The following KCNQ2 variants were observed in gnomAD, a reference collection of about 807,000 sequenced individuals.
The protein encoded by KCNQ2 is potassium voltage-gated channel subfamily KQT member 2.
A neutral mutation model predicts 84.8 loss-of-function variants in KCNQ2; 14 were observed. That is an observed-to-expected ratio of 0.17 (90% CI 0.11 to 0.26). The LOEUF is 0.26. Ranked by LOEUF, KCNQ2 falls within the 10% of genes least tolerant of loss-of-function variation. The pLI, the probability that KCNQ2 is intolerant of heterozygous loss-of-function variation, is 1.00. For missense variants in KCNQ2, 788 were observed against 1,254.0 expected (o/e 0.63, Z 5.61); for synonymous variants, 599 against 554.1 (o/e 1.08, Z -1.14).
chr20:63,426,415 T>G (rs1002724208), intron 10 of KCNQ2, among the ~76,000 whole-genome samples: 3 of 152,010 alleles, frequency 2.0e-5, no homozygotes, highest in Non-Finnish European at 4.4e-5. Context: ...AATCTCCTAA[T>G]TTAAGACCCT....
Position 63,438,339 on chromosome 20 carries a change from C to T in KCNQ2, c.1023+286G>A. ...GCTGCAGAACGGGTGTGCTCACCTCCCAGGGTGCGGTAGAGAGGACCTGAT... is the reference window on the plus strand; with the variant it reads ...GCTGCAGAACGGGTGTGCTCACCTCTCAGGGTGCGGTAGAGAGGACCTGAT... On this transcript the variant is annotated intron_variant, in intron 7 of 16. Transcript: ENST00000359125. The surrounding 1 kb of genome is among the most constrained non-coding windows in gnomAD (Gnocchi z 5.1). 1.9e-6 allele frequency: 1 copy of T among 537,508 alleles called. No individual in the cohort carries two copies. 33.3% of individuals were successfully genotyped at this position (537,508 alleles called of 1,614,324 possible).
At chr20:63,457,627 G>C (rs1466764952) in intron 1 of KCNQ2, among the ~76,000 whole-genome samples, 4 of 152,230 alleles carry the variant, frequency 2.6e-5, no homozygotes, top group African/African-American at 9.6e-5. Context: ...TGGCTCCCTC[G>C]GGAACAGGAG....
chr20:63,428,460 G>C, intron 9 of KCNQ2, 25 bp from the exon 10 acceptor site: 9 of 1,567,754 alleles, frequency 5.7e-6, no homozygotes, highest in Non-Finnish European at 7.8e-6. Context: ...GGAGAGGGGA[G>C]TGAGCGTCTC....
At position 63,446,336 on chromosome 20, in the gene KCNQ2, G is replaced by A; in HGVS notation, c.387+411C>T. ...CAGGAACTGCACTCCCGTTGCCATG[G>A]CGCCCACCCTGCCCTGGCACAGGGT... On this transcript the variant is annotated intron_variant, in intron 2 of 16. Transcript: ENST00000359125. The surrounding 1 kb of genome is among the most constrained non-coding windows in gnomAD (Gnocchi z 5.5). 3.5e-6 allele frequency: 1 copy of A among 285,234 alleles called. No homozygotes were observed. The highest frequency in any genetic ancestry group is 6.8e-6 in the Non-Finnish European group (1 of 146,908). The allele number at this position is 285,234 out of a possible 1,614,324, so 17.7% of individuals were successfully genotyped here. A position where few individuals can be genotyped will look rare whatever the true frequency, so the allele number is the denominator to read the frequency against.
intron 4 of KCNQ2, among the ~76,000 whole-genome samples, chr20:63,443,289 T>C (rs1292066947): frequency 6.4e-4 from 11 of 17,124 alleles, no homozygotes; most frequent in East Asian, 1.2e-3. Flanking sequence ...ACCATCACCA[T>C]CATCACCACC....
At position 63,400,541 on chromosome 20, in the gene KCNQ2, G is replaced by A. The variant is rs1055078204; in HGVS notation, c.*6103C>T. On this transcript the variant is annotated 3_prime_UTR_variant, in exon 17 of 17. Coordinates refer to ENST00000359125, the MANE Select transcript of KCNQ2 (RefSeq NM_172107.4). This position sits in a 1 kb window ranked among gnomAD's most constrained non-coding sequence, Gnocchi z 8.7. ...AAAGGCCTGGTCACTACGGCACAAG[G>A]ACACATACAAAATGGTCAGAAGTGT... 1 of 398,096 alleles carries A rather than the reference G, an allele frequency of 2.5e-6. No homozygotes were observed. The highest frequency in any genetic ancestry group is 2.1e-5 in the African/African-American group (1 of 48,630). The allele number at this position is 398,096 out of a possible 1,614,324, so 24.7% of individuals were successfully genotyped here.
At chr20:63,419,862 A>G (rs1340445141) in intron 11 of KCNQ2, among the ~76,000 whole-genome samples, 190 bp from the exon 12 acceptor site, 4 of 151,360 alleles carry the variant, frequency 2.6e-5, no homozygotes, top group Non-Finnish European at 5.9e-5. Context: ...ACACTTCCCT[A>G]TTTCTGAAGG....
chr20:63,430,845 G>A (rs956295359), intron 9 of KCNQ2, among the ~76,000 whole-genome samples: 2 of 152,224 alleles, frequency 1.3e-5, no homozygotes, highest in African/African-American at 4.8e-5. Context: ...TGTGAGCCAC[G>A]GTGGGACAAG....
At chr20:63,458,908 A>T (rs1156335786) in intron 1 of KCNQ2, 2 of 152,230 alleles carry the variant, frequency 1.3e-5, no homozygotes, top group Non-Finnish European at 2.9e-5. Flanking sequence ...GGCTGAGATG[A>T]GGAGGGCACG....
At chr20:63,442,612 CATCAACACCATGACCACCAT>C (rs2081197796) in intron 4 of KCNQ2, 81 bp from the exon 5 acceptor site, 3 of 1,466,316 alleles carry the variant, frequency 2.0e-6, no homozygotes, top group African/African-American at 2.9e-5. Flanking sequence ...ACCACCATCA[CATCAACACCATGACCACCAT>C]CACCACCACC....
chr20:63,453,333 T>C (rs1352722166), intron 1 of KCNQ2, among the ~76,000 whole-genome samples: 4 of 152,322 alleles, frequency 2.6e-5, no homozygotes, highest in African/African-American at 4.8e-5. Context: ...GCAGGGGCGC[T>C]GGCAGTGGTG....
At chr20:63,448,845 CT>C (rs1372157600) in intron 1 of KCNQ2, among the ~76,000 whole-genome samples, 1 of 152,118 alleles carries the variant, frequency 6.6e-6, no homozygotes, top group African/African-American at 2.4e-5. Context: ...GGGGGGGAGT[CT>C]CTCCAGACTG....
In KCNQ2 at chr20:63,400,785, CA is replaced by C; in HGVS notation, c.*5858del. Reference sequence around the variant, plus strand: ...GCGGGACCACCAGCTCTGGGCGCCTCAGTGCGAGACCCCTCCGTGAGACCCC... The same window carrying C: ...GCGGGACCACCAGCTCTGGGCGCCTCGTGCGAGACCCCTCCGTGAGACCCC... On this transcript the variant is annotated 3_prime_UTR_variant, in exon 17 of 17. Coordinates refer to ENST00000359125, the MANE Select transcript of KCNQ2 (RefSeq NM_172107.4). This position sits in a 1 kb window ranked among gnomAD's most constrained non-coding sequence, Gnocchi z 8.7. The C allele has an allele frequency of 2.5e-6, 1 of 398,484 alleles. No individual in the cohort carries two copies. The highest frequency in any genetic ancestry group is 4.4e-6 in the Non-Finnish European group (1 of 225,954). 24.7% of individuals were successfully genotyped at this position (398,484 alleles called of 1,614,324 possible).
In KCNQ2 at chr20:63,406,968, G is replaced by A. The variant is rs868616547; in HGVS notation, c.2295C>T (p.Phe765=). Residue 765 remains phenylalanine, a synonymous_variant, in exon 17 of 17, where the codon TTC becomes TTT. Coordinates refer to ENST00000359125, the MANE Select transcript of KCNQ2 (RefSeq NM_172107.4). ...AGCCCGGGGTGTCCTCCTGCCGCAG[G>A]AACTCCATGCTGGCGCGGTTGCCCC... ...YGGGNRASME[F]LRQEDTPGCR... 8 of 1,555,424 alleles carry A rather than the reference G, an allele frequency of 5.1e-6. No homozygotes were observed. Among genetic ancestry groups the A allele is most frequent in the Admixed American group, 1.9e-5 (1 of 53,376 alleles).
At chr20:63,413,758 G>A (rs1408679330) in intron 14 of KCNQ2, among the ~76,000 whole-genome samples, 177 bp from the exon 15 acceptor site, 2 of 139,926 alleles carry the variant, frequency 1.4e-5, no homozygotes, top group African/African-American at 2.4e-5. Flanking sequence ...TGCTCTGCCC[G>A]GGACAGGTGG....
At chr20:63,464,744 C>CT (rs1269856498) in intron 1 of KCNQ2, among the ~76,000 whole-genome samples, 1 of 152,224 alleles carries the variant, frequency 6.6e-6, no homozygotes, top group Non-Finnish European at 1.5e-5. Context: ...GGCAGGGGCC[C>CT]TGCTGACTTA....
chr20:63,452,547 G>A (rs1480715178), intron 1 of KCNQ2, among the ~76,000 whole-genome samples: 5 of 152,252 alleles, frequency 3.3e-5, no homozygotes, highest in African/African-American at 1.2e-4. Flanking sequence ...CACCAGCCGG[G>A]CACCATGGCG....
chr20:63,466,261 C>T (rs559751679), intron 1 of KCNQ2, among the ~76,000 whole-genome samples: 6 of 152,058 alleles, frequency 3.9e-5, no homozygotes, highest in African/African-American at 1.4e-4. Context: ...GAGCCCGGGC[C>T]CCGCGCTTCA....
intron 1 of KCNQ2, 83 bp downstream of exon 1, chr20:63,472,085 A>T: frequency 9.4e-7 from 1 of 1,064,010 alleles, no homozygotes; most frequent in Non-Finnish European, 1.3e-6. Context: ...AACCCGCCGC[A>T]GCCAGCCTGG....
Sources: allele counts gnomAD v4.1 joint callset (sites outside exome capture counted in the v4.1 genomes callset), GRCh38; gene constraint gnomAD v4.1.1; non-coding constraint Gnocchi (gnomAD v3.1); transcripts MANE v1.5; gene names NCBI Gene and HGNC (gene_info 2026-07-23, HGNC 2026-07-21).